Variants in CHAMP1 observed in about 807,000 individuals in gnomAD.
CHAMP1 encodes the protein chromosome alignment-maintaining phosphoprotein 1.
CHAMP1 carries 4 observed loss-of-function variants against 54.5 expected under a neutral mutation model. That is an observed-to-expected ratio of 0.07 (90% CI 0.04 to 0.17). CHAMP1 has a LOEUF of 0.17. Ranked by LOEUF, CHAMP1 falls within the 10% of genes least tolerant of loss-of-function variation. The probability of loss-of-function intolerance (pLI) is 1.00; values close to 1 mark genes in which losing one functional copy is unlikely to be tolerated. For synonymous variants in CHAMP1, 368 were observed against 342.2 expected (o/e 1.08, Z -0.83); for missense variants, 994 against 968.6 (o/e 1.03, Z -0.35).
chr13:114,316,636 C>T (rs538883745), intron 1 of CHAMP1, among the ~76,000 whole-genome samples: 12 of 151,956 alleles, frequency 7.9e-5, no homozygotes, highest in Admixed American at 3.3e-4. Flanking sequence ...AAACTATAGA[C>T]TACTTAATAA....
chr13:114,315,883 C>G (rs1426609794), intron 1 of CHAMP1, among the ~76,000 whole-genome samples: 2 of 146,238 alleles, frequency 1.4e-5, no homozygotes, highest in Admixed American at 6.9e-5. Flanking sequence ...GTTGCCCAGG[C>G]TGGAGTGCAA....
Position 114,324,522 on chromosome 13 carries a change from C to G in CHAMP1, c.680C>G (p.Pro227Arg). The G allele has an allele frequency of 1.9e-6, 3 of 1,614,104 alleles. No individual in the cohort carries two copies. Among genetic ancestry groups the G allele is most frequent in the Non-Finnish European group, 2.5e-6 (3 of 1,180,016 alleles). The change falls in exon 3 of 3, where the codon CCC (proline) becomes CGC (arginine). Residue 227 changes from proline (P) to arginine (R), a missense_variant. By Grantham distance (103) the Pro-to-Arg change is moderately radical. Transcript: ENST00000361283. ...SVKATLSNPK[P>R]QKQSHFPETL... The stretch of plus-strand genomic sequence containing the variant: ...AAGGCTACTCTTAGTAATCCCAAAC[C>G]CCAGAAGCAGTCTCATTTCCCGGAA...
Position 114,325,109 on chromosome 13 carries a change from G to C in CHAMP1, c.1267G>C (p.Gly423Arg). ...AGTGTCTCCAGAGCTTCGCAAACCC[G>C]GCCCACCACTATCCCCAGAGATCCG... ...PPVSPELRKPGPPLSPEIRSP... is the reference protein window; with the variant it reads ...PPVSPELRKPRPPLSPEIRSP... Residue 423 changes from glycine to arginine, a missense_variant, in exon 3 of 3, where the codon GGC becomes CGC. By Grantham distance (125) the Gly-to-Arg change is moderately radical. This residue lies in a region of CHAMP1 where 851 missense variants were observed against 701.3 expected (regional missense o/e 1.21). Transcript: ENST00000361283. 2 of 1,613,970 alleles carry C rather than the reference G, an allele frequency of 1.2e-6. No individual in the cohort carries two copies. Among genetic ancestry groups the C allele is most frequent in the Non-Finnish European group, 1.7e-6 (2 of 1,180,002 alleles).
rs1566786792 is a variant in CHAMP1 at position 114,314,507 on chromosome 13, A to ACCCGGAT, written c.-309_-303dup. On this transcript the variant is annotated 5_prime_UTR_variant, in exon 1 of 3. Transcript: ENST00000361283. ...CCCGCGGGAGCGCGCACGCTCGCGC[A>ACCCGGAT]CCCGGATCCCGGCTCCTGCATCCAG... is the stretch of plus-strand genomic sequence containing the variant. 1 of 151,670 alleles carries ACCCGGAT rather than the reference A, an allele frequency of 6.6e-6. No homozygotes were observed. Among genetic ancestry groups the ACCCGGAT allele is most frequent in the Non-Finnish European group, 1.5e-5 (1 of 67,852 alleles). 9.4% of individuals were successfully genotyped at this position (151,670 alleles called of 1,614,324 possible).
In CHAMP1 at chr13:114,325,546, A is replaced by G. The variant is rs1189695443; in HGVS notation, c.1704A>G (p.Leu568=). Residue 568 remains leucine, a synonymous_variant, in exon 3 of 3, where the codon CTA becomes CTG. Coordinates refer to ENST00000361283, the MANE Select transcript of CHAMP1 (RefSeq NM_032436.4). Reference sequence around the variant, plus strand: ...TCCCTGAACTCCCCAAATCTGCTCTATTCTCAGAATCACAGAAGGCTGTTG... The same window carrying G: ...TCCCTGAACTCCCCAAATCTGCTCTGTTCTCAGAATCACAGAAGGCTGTTG... ...ALFPELPKSA[L]FSESQKAVEL... 6.2e-7 allele frequency: 1 copy of G among 1,614,166 alleles called. No individual in the cohort carries two copies. Among genetic ancestry groups the G allele is most frequent in the Non-Finnish European group, 8.5e-7 (1 of 1,180,050 alleles).
chr13:114,323,578 T>G (rs782231322), intron 2 of CHAMP1: 9 of 388,494 alleles, frequency 2.3e-5, no homozygotes, highest in Admixed American at 4.3e-5. Context: ...AGTCATATCA[T>G]TAGGATTAAA....
chr13:114,324,279 C>T lies in CHAMP1; in HGVS notation c.437C>T (p.Pro146Leu), dbSNP rs1555379411. 1.2e-6 allele frequency: 2 copies of T among 1,613,998 alleles called. No individual in the cohort carries two copies. The highest frequency in any genetic ancestry group is 1.1e-5 in the South Asian group (1 of 91,090). Reference sequence around the variant, plus strand: ...GGTTCAGTTTTGTCTCCAGAATCGCCAAAACCTACTCCTCTTACTCCCCTG... The same window carrying T: ...GGTTCAGTTTTGTCTCCAGAATCGCTAAAACCTACTCCTCTTACTCCCCTG... Reference protein sequence around the residue: ...KLGSVLSPESPKPTPLTPLEP... With the variant: ...KLGSVLSPESLKPTPLTPLEP... Residue 146 changes from proline (P) to leucine (L), a missense_variant, in exon 3 of 3, where the codon CCA becomes CTA. By Grantham distance (98) the Pro-to-Leu change is moderately conservative. Around this residue, in one of 3 missense-constraint regions of CHAMP1, gnomAD observed 851 missense variants for 701.3 expected, o/e 1.21. Transcript: ENST00000361283.
chr13:114,323,518 G>C (rs2087198364), intron 2 of CHAMP1: 1 of 240,552 alleles, frequency 4.2e-6, no homozygotes, highest in Admixed American at 5.3e-5. Flanking sequence ...GAGAAAGTCA[G>C]GTAACTTCTC....
At chr13:114,315,497 C>T (rs751533760) in intron 1 of CHAMP1, among the ~76,000 whole-genome samples, 2 of 152,110 alleles carry the variant, frequency 1.3e-5, no homozygotes, top group Non-Finnish European at 2.9e-5. Context: ...GTGGTATATA[C>T]ATATAATGAA....
chr13:114,326,192 T>C lies in CHAMP1; in HGVS notation c.2350T>C (p.Leu784=). The change falls in exon 3 of 3, where the codon TTA becomes CTA. Residue 784 remains leucine (L), a synonymous_variant. Transcript: ENST00000361283. ...TTTCCCAAGAGGTTTTAAGAAACAT[T>C]TAACTCATTGTCAAAGCCGGCATAA... ...SNFPRGFKKH[L]THCQSRHNEE... 6.2e-7 allele frequency: 1 copy of C among 1,610,842 alleles called. No homozygotes were observed. The highest frequency in any genetic ancestry group is 1.7e-5 in the Admixed American group (1 of 59,584).
rs991589314 is a variant in CHAMP1 at position 114,317,710 on chromosome 13, A to G, written c.-179+3067A>G. ...ACCCATTTAGCTTTGAACATGTTCT[A>G]CTTATTGAATTTTAATTTAAAAAAC... On this transcript the variant is annotated intron_variant, in intron 1 of 2. Transcript: ENST00000361283. 6.6e-5 allele frequency among the ~76,000 whole-genome samples: 10 copies of G among 152,180 alleles called. 1 individual carries two copies. The highest frequency in any genetic ancestry group is 2.4e-4 in the African/African-American group (10 of 41,444).
rs1196753944 is a variant in CHAMP1 at position 114,325,463 on chromosome 13, G to C, written c.1621G>C (p.Ala541Pro). ...FPEPAKTAPP[A>P]SPEARKRALF... ...CGAGCCTGCCAAAACAGCCCCTCCT[G>C]CTTCTCCAGAAGCACGCAAACGTGC... The change falls in exon 3 of 3, where the codon GCT becomes CCT. Residue 541 changes from alanine (A) to proline (P), a missense_variant. Ala to Pro is a conservative substitution (Grantham distance 27). Transcript: ENST00000361283. 1.2e-6 allele frequency: 2 copies of C among 1,613,930 alleles called. No homozygotes were observed. Among genetic ancestry groups the C allele is most frequent in the African/African-American group, 2.7e-5 (2 of 74,886 alleles).
At position 114,321,209 on chromosome 13, in the gene CHAMP1, T is replaced by C. The variant is rs1555379113; in HGVS notation, c.-79T>C. 6.6e-6 allele frequency: 1 copy of C among 151,798 alleles called. No homozygotes were observed. Among genetic ancestry groups the C allele is most frequent in the Admixed American group, 6.6e-5 (1 of 15,232 alleles). 9.4% of individuals were successfully genotyped at this position (151,798 alleles called of 1,614,324 possible). A position where few individuals can be genotyped will look rare whatever the true frequency, so the allele number is the denominator to read the frequency against. Reference sequence around the variant, plus strand: ...AATGCCTGCCTTTTGAAGACCACTTTTAAGGTGTCTAGTAAGACAGCAGGT... The same window carrying C: ...AATGCCTGCCTTTTGAAGACCACTTCTAAGGTGTCTAGTAAGACAGCAGGT... On this transcript the variant is annotated 5_prime_UTR_variant, in exon 2 of 3. Transcript: ENST00000361283.
At chr13:114,321,673 G>T (rs1409648998) in intron 2 of CHAMP1, among the ~76,000 whole-genome samples, 4 of 152,186 alleles carry the variant, frequency 2.6e-5, no homozygotes, top group African/African-American at 9.7e-5. Context: ...AAGTCTTCTA[G>T]TTTTATTTAA....
chr13:114,325,680 T>A lies in CHAMP1; in HGVS notation c.1838T>A (p.Phe613Tyr), dbSNP rs2087240312. ...SPKKLLEDTL[F>Y]PSSKKLKKDN... ...AAGAAACTCTTAGAAGATACTTTAT[T>A]TCCTTCCTCAAAGAAGCTCAAGAAA... The change falls in exon 3 of 3, where the codon TTT becomes TAT. Residue 613 changes from phenylalanine to tyrosine, a missense_variant. Transcript: ENST00000361283. 6.2e-7 allele frequency: 1 copy of A among 1,613,710 alleles called. No homozygotes were observed. Among genetic ancestry groups the A allele is most frequent in the African/African-American group, 1.3e-5 (1 of 74,832 alleles).
intron 1 of CHAMP1, among the ~76,000 whole-genome samples, chr13:114,315,414 C>T (rs2087084409): frequency 6.6e-6 from 1 of 152,184 alleles, no homozygotes; most frequent in African/African-American, 2.4e-5. Flanking sequence ...GACTCAGATA[C>T]TTGTTCACAA....
intron 1 of CHAMP1, among the ~76,000 whole-genome samples, chr13:114,320,760 TC>T (rs1391530199): frequency 6.6e-6 from 1 of 151,860 alleles, no homozygotes; most frequent in Non-Finnish European, 1.5e-5. Context: ...ATCGAGACCA[TC>T]CTGGCTAACA....
At chr13:114,316,848 A>G (rs1486167018) in intron 1 of CHAMP1, among the ~76,000 whole-genome samples, 1 of 151,994 alleles carries the variant, frequency 6.6e-6, no homozygotes, top group South Asian at 2.1e-4. Context: ...TTGGCACTCA[A>G]AAAGTTTTGG....
chr13:114,317,074 G>C (rs1233560095), intron 1 of CHAMP1, among the ~76,000 whole-genome samples: 1 of 152,084 alleles, frequency 6.6e-6, no homozygotes, highest in African/African-American at 2.4e-5. Flanking sequence ...CTGGAGTGCA[G>C]TGGCTCAGTC....
Sources: gnomAD v4.1 joint callset for allele counts (sites outside exome capture counted in the v4.1 genomes callset) on GRCh38, gnomAD v4.1.1 for gene constraint, gnomAD v4.1.1 regional missense constraint, MANE v1.5 for transcripts, NCBI Gene and HGNC (gene_info 2026-07-23, HGNC 2026-07-21) for gene names.